Variants in RNF169 observed in about 807,000 individuals in gnomAD.
RNF169 encodes E3 ubiquitin-protein ligase RNF169.
RNF169 carries 24 observed loss-of-function variants against 53.9 expected under a neutral mutation model. The ratio of observed to expected loss-of-function variants is 0.45; its 90% CI spans 0.32 to 0.63. The LOEUF is 0.63. Ranked by LOEUF, RNF169 falls within the 20% of genes least tolerant of loss-of-function variation. RNF169 has a pLI of 0.04. For missense variants in RNF169, 883 were observed against 906.2 expected (o/e 0.97, Z 0.33); for synonymous variants, 396 against 363.5 (o/e 1.09, Z -1.02).
intron 2 of RNF169, among the ~76,000 whole-genome samples, chr11:74,801,942 A>G (rs1238038234): frequency 6.6e-6 from 1 of 152,252 alleles, no homozygotes; most frequent in East Asian, 1.9e-4. Context: ...TAACCAGAAC[A>G]TGAGTAAAAT....
intron 1 of RNF169, among the ~76,000 whole-genome samples, chr11:74,770,435 A>G (rs1439467143): frequency 6.6e-6 from 1 of 152,254 alleles, no homozygotes; most frequent in Non-Finnish European, 1.5e-5. Flanking sequence ...GGCCAGGCTT[A>G]GTATTACTGA....
rs930159544 is a variant in RNF169, at chr11:74,748,975, C to T, written c.95C>T (p.Ala32Val). The T allele has an allele frequency of 2.4e-5, 36 of 1,479,662 alleles. No individual in the cohort carries two copies. The highest frequency in any genetic ancestry group is 5.8e-5 in the African/African-American group (4 of 68,878). 91.7% of individuals were successfully genotyped at this position (1,479,662 alleles called of 1,614,324 possible). A position where few individuals can be genotyped will look rare whatever the true frequency, so the allele number is the denominator to read the frequency against. ...RGRRGRCDET[A>V]AAKTGAPGPA... is the part of the protein sequence containing the mutation. ...CGGCGGGGCCGCTGTGACGAGACGG[C>T]GGCAGCTAAGACTGGGGCCCCAGGC... is the stretch of plus-strand genomic sequence containing the variant. The change falls in exon 1 of 6, where the codon GCG (alanine) becomes GTG (valine). Residue 32 changes from alanine (A) to valine (V), a missense_variant. By Grantham distance (64) the Ala-to-Val change is moderately conservative. This residue lies in a region of RNF169 where 313 missense variants were observed against 279.9 expected (regional missense o/e 1.12). Coordinates refer to ENST00000299563, the MANE Select transcript of RNF169 (RefSeq NM_001098638.2).
At chr11:74,814,686 C>T (rs555537593) in intron 3 of RNF169, among the ~76,000 whole-genome samples, 3 of 152,064 alleles carry the variant, frequency 2.0e-5, no homozygotes, top group East Asian at 1.9e-4. Context: ...CCACCATGCC[C>T]GGCCTGTTTT....
At chr11:74,805,370 A>T (rs2035788743) in intron 2 of RNF169, among the ~76,000 whole-genome samples, 1 of 152,216 alleles carries the variant, frequency 6.6e-6, no homozygotes, top group Admixed American at 6.5e-5. Context: ...GTGGTTTGAG[A>T]GATTGATTGC....
Position 74,749,337 on chromosome 11 carries a change from G to T in RNF169, c.457G>T (p.Gly153Trp). The T allele has an allele frequency of 8.2e-7, 1 of 1,216,206 alleles. No homozygotes were observed. Among genetic ancestry groups the T allele is most frequent in the East Asian group, 3.3e-5 (1 of 30,486 alleles). 75.3% of individuals were successfully genotyped at this position (1,216,206 alleles called of 1,614,324 possible). The part of the protein sequence containing the change: ...PRRDGGAAAA[G>W]PRPEQEPRAA... ...CCGGGACGGGGGCGCGGCTGCCGCG[G>T]GGCCCAGGCCAGAGCAGGAGCCGCG... Residue 153 changes from glycine (G) to tryptophan (W), a missense_variant, in exon 1 of 6, where the codon GGG becomes TGG. Transcript: ENST00000299563.
At chr11:74,778,218 A>G (rs2035364903) in intron 1 of RNF169, among the ~76,000 whole-genome samples, 1 of 152,180 alleles carries the variant, frequency 6.6e-6, no homozygotes, top group East Asian at 1.9e-4. Flanking sequence ...TTGGGGAAAG[A>G]GTTTTGTGCC....
At position 74,748,865 on chromosome 11, in the gene RNF169, T is replaced by G. The variant is rs1018308735; in HGVS notation, c.-16T>G. On this transcript the variant is annotated 5_prime_UTR_variant, in exon 1 of 6. Coordinates refer to ENST00000299563, the MANE Select transcript of RNF169 (RefSeq NM_001098638.2). ...TTCTCCCTCGCAACCGACTCTCCCTTCAAACGGGAAACAAGATGGCGGCTG... is the reference window on the plus strand; with the variant it reads ...TTCTCCCTCGCAACCGACTCTCCCTGCAAACGGGAAACAAGATGGCGGCTG... The G allele has an allele frequency of 4.3e-6, 6 of 1,399,392 alleles. No individual in the cohort carries two copies. The Admixed American group carries it at 8.2e-5, about 19-fold the overall frequency. The allele number at this position is 1,399,392 out of a possible 1,614,324, so 86.7% of individuals were successfully genotyped here.
chr11:74,827,510 C>T (rs918152456), intron 4 of RNF169, among the ~76,000 whole-genome samples: 15 of 152,256 alleles, frequency 9.9e-5, no homozygotes, highest in South Asian at 4.1e-4. Context: ...TCTATTGCTC[C>T]GTCAGACTGG....
At chr11:74,760,375 C>A (rs958221359) in intron 1 of RNF169, among the ~76,000 whole-genome samples, 13 of 151,216 alleles carry the variant, frequency 8.6e-5, no homozygotes, top group Non-Finnish European at 1.5e-5. Context: ...TTTGCTCTTG[C>A]TTTTCTAGTT....
intron 1 of RNF169, among the ~76,000 whole-genome samples, chr11:74,787,489 T>C (rs941200723): frequency 5.4e-4 from 82 of 152,134 alleles, no homozygotes; most frequent in African/African-American, 1.9e-3. Context: ...GTTTCAGCAC[T>C]CATGGTGTTG....
In RNF169 at chr11:74,816,886, C is replaced by T. The variant is rs888107752; in HGVS notation, c.724-710C>T. Reference sequence around the variant, plus strand: ...TAGACCTTACCCTGAAGTCACCAGCCGTTAAGCAGGGGAGTGATTGCTGGA... The same window carrying T: ...TAGACCTTACCCTGAAGTCACCAGCTGTTAAGCAGGGGAGTGATTGCTGGA... On this transcript the variant is annotated intron_variant, in intron 3 of 5. Coordinates refer to ENST00000299563, the MANE Select transcript of RNF169 (RefSeq NM_001098638.2). 3.3e-5 allele frequency among the ~76,000 whole-genome samples: 5 copies of T among 152,022 alleles called. No homozygotes were observed. The East Asian group carries it at 5.8e-4, about 18-fold the overall frequency.
At position 74,749,078 on chromosome 11, in the gene RNF169, G is replaced by C; in HGVS notation, c.198G>C (p.Ser66=). 1.4e-6 allele frequency: 2 copies of C among 1,453,828 alleles called. No homozygotes were observed. Among genetic ancestry groups the C allele is most frequent in the Non-Finnish European group, 1.8e-6 (2 of 1,102,274 alleles). The allele number at this position is 1,453,828 out of a possible 1,614,324, so 90.1% of individuals were successfully genotyped here. The change falls in exon 1 of 6, where the codon TCG becomes TCC. Residue 66 remains serine (S), a synonymous_variant. Coordinates refer to ENST00000299563, the MANE Select transcript of RNF169 (RefSeq NM_001098638.2). ...CGCTGCCGCCGCGGCCGGAGGAATCGGGCTGCGCCGGGTGCCTGGAGCCCC... is the reference window on the plus strand; with the variant it reads ...CGCTGCCGCCGCGGCCGGAGGAATCCGGCTGCGCCGGGTGCCTGGAGCCCC... ...QPPLPPRPEE[S]GCAGCLEPPG...
intron 4 of RNF169, among the ~76,000 whole-genome samples, chr11:74,828,334 C>T (rs560261924): frequency 6.6e-6 from 1 of 152,030 alleles, no homozygotes; most frequent in South Asian, 2.1e-4. Flanking sequence ...CAGAGATGAC[C>T]CAAACAAATG....
intron 1 of RNF169, among the ~76,000 whole-genome samples, chr11:74,786,392 C>T (rs1187048406): frequency 6.6e-6 from 1 of 151,952 alleles, no homozygotes; most frequent in African/African-American, 2.4e-5. Flanking sequence ...ACCATCATGC[C>T]CTGCTAATTG....
chr11:74,785,938 TTTC>T (rs1302581058), intron 1 of RNF169, among the ~76,000 whole-genome samples: 2 of 147,116 alleles, frequency 1.4e-5, no homozygotes, highest in East Asian at 2.0e-4. Flanking sequence ...TTTGTTTTCT[TTTC>T]TTTTTTTTTT....
intron 1 of RNF169, among the ~76,000 whole-genome samples, chr11:74,775,146 AT>A (rs2035314680): frequency 6.6e-6 from 1 of 152,178 alleles, no homozygotes; most frequent in Non-Finnish European, 1.5e-5. Flanking sequence ...TGTATTTTAG[AT>A]TTGCATATTA....
chr11:74,820,465 T>C (rs1015721592), intron 4 of RNF169, among the ~76,000 whole-genome samples: 11 of 150,952 alleles, frequency 7.3e-5, no homozygotes, highest in African/African-American at 2.7e-4. Flanking sequence ...AGAAAGGGGG[T>C]GGGGGCCGTT....
At position 74,810,168 on chromosome 11, in the gene RNF169, TA is replaced by T. The variant is rs2035855675; in HGVS notation, c.577-14del. 6.3e-7 allele frequency: 1 copy of T among 1,598,398 alleles called. No individual in the cohort carries two copies. The highest frequency in any genetic ancestry group is 8.5e-7 in the Non-Finnish European group (1 of 1,174,788). On this transcript the variant is annotated splice_polypyrimidine_tract_variant and intron_variant, in intron 2 of 5. Transcript: ENST00000299563. ...GTTGCCTAAAACTACTGTGTTTGCATAATTTATATTTTTAGCTGAGAGAAGA... is the reference window on the plus strand; with the variant it reads ...GTTGCCTAAAACTACTGTGTTTGCATATTTATATTTTTAGCTGAGAGAAGA...
At chr11:74,770,491 A>G (rs2035244198) in intron 1 of RNF169, among the ~76,000 whole-genome samples, 1 of 152,186 alleles carries the variant, frequency 6.6e-6, no homozygotes, top group Non-Finnish European at 1.5e-5. Context: ...TATCCCCCAA[A>G]CTGTTAAATT....
Sources: allele counts gnomAD v4.1 joint callset (sites outside exome capture counted in the v4.1 genomes callset), GRCh38; gene constraint gnomAD v4.1.1; regional missense constraint gnomAD v4.1.1; transcripts MANE v1.5; gene names NCBI Gene and HGNC (gene_info 2026-07-23, HGNC 2026-07-21).